The following EML1 variants were observed in gnomAD, a reference collection of about 807,000 sequenced individuals.
EML1 encodes the protein EMAP like 1.
A neutral mutation model predicts 110.4 loss-of-function variants in EML1; 27 were observed. The observed-to-expected ratio is 0.24, with a 90% CI of 0.18 to 0.34. EML1 has a LOEUF of 0.34. Among genes scored for constraint, EML1 ranks in the 10% least tolerant of loss-of-function variants. EML1 has a pLI of 1.00. For missense variants in EML1, 741 were observed against 1,030.9 expected (o/e 0.72, Z 3.85); for synonymous variants, 344 against 385.8 (o/e 0.89, Z 1.27).
In EML1 at chr14:99,940,164, C is replaced by CATTA; in HGVS notation, c.*53_*56dup. 1 of 1,434,362 alleles carries CATTA rather than the reference C, an allele frequency of 7.0e-7. No individual in the cohort carries two copies. Among genetic ancestry groups the CATTA allele is most frequent in the Non-Finnish European group, 9.2e-7 (1 of 1,089,674 alleles). 88.9% of individuals were successfully genotyped at this position (1,434,362 alleles called of 1,614,324 possible). A position where few individuals can be genotyped will look rare whatever the true frequency, so the allele number is the denominator to read the frequency against. On this transcript the variant is annotated 3_prime_UTR_variant, in exon 22 of 22. Coordinates refer to ENST00000262233, the MANE Select transcript of EML1 (RefSeq NM_004434.3). ...CATGGGCAAGGAAGACACAGACTCG[C>CATTA]ATTACCCTTGGTCACTGTGATTTCT...
chr14:99,884,443 A>T (rs1012840061), intron 4 of EML1, among the ~76,000 whole-genome samples: 1 of 152,364 alleles, frequency 6.6e-6, no homozygotes, highest in African/African-American at 2.4e-5. Context: ...GGGAAGGAGC[A>T]GCACAGAAAG....
At chr14:99,904,777 G>GC (rs1304230057) in intron 9 of EML1, among the ~76,000 whole-genome samples, 1 of 151,912 alleles carries the variant, frequency 6.6e-6, no homozygotes, top group Non-Finnish European at 1.5e-5. Flanking sequence ...ACTTTATCCA[G>GC]TTTTTTTTCA....
At chr14:99,776,517 C>A (rs887971268) in intron 1 of EML1, among the ~76,000 whole-genome samples, 28 of 148,926 alleles carry the variant, frequency 1.9e-4, no homozygotes, top group South Asian at 6.4e-4. Flanking sequence ...AAAAAAAAAA[C>A]AAAACCTGTG....
At chr14:99,917,745 C>T in intron 15 of EML1, 37 bp from the exon 16 acceptor site, 1 of 1,602,646 alleles carries the variant, frequency 6.2e-7, no homozygotes, top group Non-Finnish European at 8.5e-7. Context: ...AGTGTTCTAT[C>T]TGTTCATCAA....
intron 9 of EML1, among the ~76,000 whole-genome samples, chr14:99,906,403 G>A (rs1225053870): frequency 3.3e-5 from 5 of 152,174 alleles, no homozygotes. Flanking sequence ...TACTAAGTGA[G>A]GGATGGATTA....
intron 4 of EML1, among the ~76,000 whole-genome samples, chr14:99,888,253 C>T (rs2059516970): frequency 6.6e-6 from 1 of 152,190 alleles, no homozygotes; most frequent in Non-Finnish European, 1.5e-5. Flanking sequence ...TACAGTTCTT[C>T]AGTGTCGAAG....
intron 16 of EML1, 72 bp downstream of exon 16, chr14:99,917,921 G>A: frequency 6.7e-7 from 1 of 1,485,228 alleles, no homozygotes; most frequent in South Asian, 1.1e-5. Flanking sequence ...TATTTCCCCA[G>A]GAACAGGCCC....
At chr14:99,838,918 C>CGCGCGCGTGTGTGT (rs3071409) in intron 1 of EML1, 2 of 33,614 alleles carry the variant, frequency 5.9e-5, no homozygotes, top group African/African-American at 1.7e-4. Flanking sequence ...CGCGCGCGCG[C>CGCGCGCGTGTGTGT]GTGTGTGTGT....
upstream of EML1, among the ~76,000 whole-genome samples, chr14:99,770,893 G>T (rs369864709): frequency 1.9e-3 from 268 of 144,644 alleles, no homozygotes; most frequent in African/African-American, 6.4e-3. Flanking sequence ...CACGCCATTC[G>T]CCTGCCTCAG....
intron 1 of EML1, among the ~76,000 whole-genome samples, chr14:99,837,682 T>C (rs2139793197): frequency 6.6e-6 from 1 of 152,324 alleles, no homozygotes; most frequent in South Asian, 2.1e-4. Context: ...ATATCTATTG[T>C]TTTGTCCTGA....
intron 1 of EML1, among the ~76,000 whole-genome samples, chr14:99,776,905 C>G (rs1227097790): frequency 6.6e-6 from 1 of 152,194 alleles, no homozygotes; most frequent in Non-Finnish European, 1.5e-5. Context: ...TGAGCTTCAA[C>G]CACTGTTGTC....
intron 1 of EML1, among the ~76,000 whole-genome samples, chr14:99,811,828 GAGAA>G (rs2058086187): frequency 6.6e-6 from 1 of 151,078 alleles, no homozygotes; most frequent in African/African-American, 2.4e-5. Context: ...GAGAGAGAGA[GAGAA>G]AGGAAGGAAA....
At chr14:99,761,071 C>T (rs1254651975) in intron 1 of EML1, among the ~76,000 whole-genome samples, 1 of 152,162 alleles carries the variant, frequency 6.6e-6, no homozygotes, top group Non-Finnish European at 1.5e-5. Context: ...AAGAGCTTTA[C>T]AAATGTTACC....
intron 1 of EML1, among the ~76,000 whole-genome samples, chr14:99,817,070 G>T (rs1485354439): frequency 6.6e-6 from 1 of 151,720 alleles, no homozygotes; most frequent in Non-Finnish European, 1.5e-5. Context: ...GGCTTACAGA[G>T]GCTGGTACAA....
intron 4 of EML1, among the ~76,000 whole-genome samples, chr14:99,881,992 T>C (rs1014742632): frequency 2.0e-5 from 3 of 152,262 alleles, no homozygotes; most frequent in Non-Finnish European, 4.4e-5. Context: ...TCTTGTGATA[T>C]GGAAGACCTT....
chr14:99,892,623 T>C (rs2059607071), intron 5 of EML1, among the ~76,000 whole-genome samples: 1 of 152,228 alleles, frequency 6.6e-6, no homozygotes, highest in Admixed American at 6.5e-5. Context: ...ATGTAGCCTG[T>C]CTGAATCACC....
At chr14:99,782,376 G>C (rs555610064) in intron 1 of EML1, among the ~76,000 whole-genome samples, 2 of 152,314 alleles carry the variant, frequency 1.3e-5, no homozygotes, top group East Asian at 1.9e-4. Flanking sequence ...GCAGAGACTG[G>C]AGCCAGCGCC....
At chr14:99,899,243 G>C (rs542030579) in intron 8 of EML1, among the ~76,000 whole-genome samples, 4 of 151,858 alleles carry the variant, frequency 2.6e-5, no homozygotes, top group Non-Finnish European at 5.9e-5. Context: ...CAGAAAAAAT[G>C]AATACTACCA....
chr14:99,757,571 G>A (rs1566851763), intron 1 of EML1, among the ~76,000 whole-genome samples: 1 of 152,354 alleles, frequency 6.6e-6, no homozygotes, highest in East Asian at 1.9e-4. Context: ...GGATGAGGAA[G>A]CGTGCTGGTT....
Sources: allele counts gnomAD v4.1 joint callset (sites outside exome capture counted in the v4.1 genomes callset), GRCh38; gene constraint gnomAD v4.1.1; transcripts MANE v1.5; gene names NCBI Gene and HGNC (gene_info 2026-07-23, HGNC 2026-07-21).